Variants in GGT7 observed in about 807,000 individuals in gnomAD.
The protein encoded by GGT7 is gamma-glutamyltransferase 7.
In GGT7, 30 loss-of-function variants were observed where a neutral mutation model predicts 69.2. The ratio of observed to expected loss-of-function variants is 0.43; its 90% CI spans 0.32 to 0.59. The LOEUF is 0.59. Among genes scored for constraint, GGT7 ranks in the 20% least tolerant of loss-of-function variants. The probability of loss-of-function intolerance (pLI) is 0.05; values close to 1 mark genes in which losing one functional copy is unlikely to be tolerated. For missense variants in GGT7, 733 were observed against 901.1 expected (o/e 0.81, Z 2.39); for synonymous variants, 388 against 391.8 (o/e 0.99, Z 0.12).
At chr20:34,850,397 G>C (rs1247865894) in intron 13 of GGT7, among the ~76,000 whole-genome samples, 1 of 152,174 alleles carries the variant, frequency 6.6e-6, no homozygotes, top group African/African-American at 2.4e-5. Flanking sequence ...GAGTGGTCTA[G>C]GGCACAATGT....
intron 13 of GGT7, 84 bp from the exon 14 acceptor site, chr20:34,850,144 C>A: frequency 2.1e-6 from 2 of 950,362 alleles, no homozygotes; most frequent in Non-Finnish European, 3.5e-6. Context: ...TTGGTCCAGG[C>A]TCCTTAGTCT....
Position 34,852,771 on chromosome 20 carries a change from G to A in GGT7, c.1320-233C>T, listed in dbSNP as rs546989746. 2.6e-5 allele frequency among the ~76,000 whole-genome samples: 4 copies of A among 152,274 alleles called. No homozygotes were observed. The East Asian group carries it at 7.7e-4, about 29-fold the overall frequency. Reference sequence around the variant, plus strand: ...TTTCTGGAACCAACTTTTATTTAATGTTTAAATCAAGAGCCTTTTAGTTAT... The same window carrying A: ...TTTCTGGAACCAACTTTTATTTAATATTTAAATCAAGAGCCTTTTAGTTAT... On this transcript the variant is annotated intron_variant, in intron 10 of 14. Coordinates refer to ENST00000336431, the MANE Select transcript of GGT7 (RefSeq NM_178026.3).
chr20:34,854,996 A>C, intron 8 of GGT7, 73 bp from the exon 9 acceptor site: 3 of 1,466,670 alleles, frequency 2.0e-6, no homozygotes, highest in Non-Finnish European at 2.8e-6. Flanking sequence ...CCATCTCCAC[A>C]TTCCACCATC....
chr20:34,862,756 C>T, intron 3 of GGT7, 58 bp downstream of exon 3: 1 of 1,571,826 alleles, frequency 6.4e-7, no homozygotes, highest in Non-Finnish European at 8.7e-7. Flanking sequence ...CACATGAGGC[C>T]TACAGACCTG....
At chr20:34,861,278 CATT>C in intron 4 of GGT7, 164 bp downstream of exon 4, 1 of 408,984 alleles carries the variant, frequency 2.4e-6, no homozygotes, top group Non-Finnish European at 4.3e-6. Context: ...TTTTCTAGTT[CATT>C]ATTTTATCTT....
intron 7 of GGT7, among the ~76,000 whole-genome samples, chr20:34,858,522 C>A (rs925994242): frequency 6.6e-6 from 1 of 152,184 alleles, no homozygotes; most frequent in Non-Finnish European, 1.5e-5. Flanking sequence ...ATATAATCAT[C>A]CCCATTGCTC....
intron 7 of GGT7, among the ~76,000 whole-genome samples, chr20:34,857,624 T>TC (rs2079516430): frequency 6.6e-6 from 1 of 150,480 alleles, no homozygotes; most frequent in African/African-American, 2.5e-5. Flanking sequence ...GATTTTTTTT[T>TC]TTTTTTTTTT....
At position 34,853,263 on chromosome 20, in the gene GGT7, T is replaced by C. The variant is rs1256861924; in HGVS notation, c.1320-725A>G. Among the ~76,000 whole-genome samples the C allele has an allele frequency of 2.0e-5, 3 of 152,074 alleles. No homozygotes were observed. The East Asian group carries it at 5.8e-4, about 29-fold the overall frequency. ...TCCAGTCAGGATCTTTACTTTCTTT[T>C]AGAGTTTTTTCCCAAGGCACAGAGT... On this transcript the variant is annotated intron_variant, in intron 10 of 14. Coordinates refer to ENST00000336431, the MANE Select transcript of GGT7 (RefSeq NM_178026.3).
chr20:34,845,560 G>C, intron 14 of GGT7, 69 bp from the exon 15 acceptor site: 1 of 1,359,950 alleles, frequency 7.4e-7, no homozygotes, highest in Non-Finnish European at 1.0e-6. Flanking sequence ...CCTACAGTCA[G>C]ACCTGAGTCC....
At chr20:34,847,985 C>T (rs1414283514) in intron 14 of GGT7, among the ~76,000 whole-genome samples, 2 of 152,030 alleles carry the variant, frequency 1.3e-5, no homozygotes, top group African/African-American at 2.4e-5. Flanking sequence ...CTCAGCTACT[C>T]GGGAGGCTGA....
intron 1 of GGT7, among the ~76,000 whole-genome samples, chr20:34,864,930 C>T (rs1005226216): frequency 3.9e-5 from 6 of 151,952 alleles, no homozygotes; most frequent in Non-Finnish European, 5.9e-5. Context: ...TCAAGCGACT[C>T]TCTTGCCTCA....
At chr20:34,852,692 TAAG>T (rs1360298071) in intron 10 of GGT7, among the ~76,000 whole-genome samples, 154 bp from the exon 11 acceptor site, 1 of 152,256 alleles carries the variant, frequency 6.6e-6, no homozygotes, top group Non-Finnish European at 1.5e-5. Flanking sequence ...TAATTGCACA[TAAG>T]AAATACCCAG....
At chr20:34,860,395 G>A (rs2079572779) in intron 4 of GGT7, 74 bp from the exon 5 acceptor site, 3 of 1,146,404 alleles carry the variant, frequency 2.6e-6, no homozygotes, top group Non-Finnish European at 3.9e-6. Flanking sequence ...GAACTCCGCA[G>A]AGCCCCAAGC....
At position 34,850,016 on chromosome 20, in the gene GGT7, G is replaced by A. The variant is rs1157982824; in HGVS notation, c.1770C>T (p.Ser590=). Residue 590 remains serine (S), a synonymous_variant, in exon 14 of 15, where the codon AGC becomes AGT. Transcript: ENST00000336431. The part of the protein sequence containing the change: ...VLTLNRNLSD[S]LARGRLHPDL... ...CCGGGTGTAGGCGGCCGCGGGCCAG[G>A]CTGTCACTCAGGTTCCGGTTCAAGG... The A allele has an allele frequency of 6.2e-7, 1 of 1,613,992 alleles. No individual in the cohort carries two copies. Among genetic ancestry groups the A allele is most frequent in the Admixed American group, 1.7e-5 (1 of 60,028 alleles).
chr20:34,848,789 A>G (rs554017279), intron 14 of GGT7, among the ~76,000 whole-genome samples: 2 of 152,322 alleles, frequency 1.3e-5, no homozygotes, highest in South Asian at 4.1e-4. Context: ...TTCTTCCTCT[A>G]TAGAATGGGG....
intron 14 of GGT7, among the ~76,000 whole-genome samples, chr20:34,845,741 A>G (rs530701963): frequency 1.1e-4 from 17 of 152,206 alleles, no homozygotes; most frequent in Non-Finnish European, 1.9e-4. Flanking sequence ...TAAGTGATCA[A>G]TAATATGCAG....
chr20:34,865,591 G>T (rs1052315967), intron 1 of GGT7, among the ~76,000 whole-genome samples: 2 of 152,208 alleles, frequency 1.3e-5, no homozygotes, highest in Non-Finnish European at 2.9e-5. Context: ...CTATTTGCTG[G>T]TGGCTATGGA....
intron 1 of GGT7, among the ~76,000 whole-genome samples, chr20:34,869,690 A>C (rs940369249): frequency 1.3e-5 from 2 of 152,176 alleles, no homozygotes; most frequent in African/African-American, 2.4e-5. Context: ...GCACTTGATC[A>C]CCATTTGGAA....
chr20:34,864,242 G>T (rs538691365), intron 1 of GGT7, among the ~76,000 whole-genome samples: 2 of 152,256 alleles, frequency 1.3e-5, no homozygotes, highest in East Asian at 3.9e-4. Flanking sequence ...AAAACTAAGG[G>T]ATGAGAAGGA....
Sources: gnomAD v4.1 joint callset for allele counts (sites outside exome capture counted in the v4.1 genomes callset) on GRCh38, gnomAD v4.1.1 for gene constraint, MANE v1.5 for transcripts, NCBI Gene and HGNC (gene_info 2026-07-23, HGNC 2026-07-21) for gene names.